The following SMARCA4 variants were observed in gnomAD, a reference collection of about 807,000 sequenced individuals.
SMARCA4 encodes SWI/SNF-related matrix-associated actin-dependent regulator of chromatin subfamily A member 4.
Under a neutral mutation model 193.9 loss-of-function variants are expected in SMARCA4, and 31 were observed. That is an observed-to-expected ratio of 0.16 (90% confidence interval 0.12 to 0.22). SMARCA4 has a LOEUF of 0.22. Ranked by LOEUF, SMARCA4 falls within the 10% of genes least tolerant of loss-of-function variation. The probability of loss-of-function intolerance (pLI) is 1.00; values close to 1 mark genes in which losing one functional copy is unlikely to be tolerated. For missense variants in SMARCA4, 1,148 were observed against 2,296.0 expected, an observed-to-expected ratio of 0.50 and a Z score of 10.22; for synonymous variants, 942 against 933.1, an observed-to-expected ratio of 1.01 and a Z score of -0.17.
chr19:11,007,801 T>A (rs2088378056), intron 13 of SMARCA4, 101 bp from the exon 14 acceptor site: 1 of 1,200,520 alleles, frequency 8.3e-7, no homozygotes, highest in Non-Finnish European at 1.2e-6. Flanking sequence ...GGGTGAGGGC[T>A]GTAAGAAGAT....
In SMARCA4 at chr19:11,052,759, G is replaced by T. The variant is rs1049357398; in HGVS notation, c.4425-5496G>T. Among the ~76,000 whole-genome samples, 4 of 152,272 alleles carry T rather than the reference G, an allele frequency of 2.6e-5. No individual in the cohort carries two copies. In the East Asian group the frequency reaches 7.7e-4, roughly 29 times the overall value. On this transcript the variant is annotated intron_variant, in intron 30 of 34. Coordinates refer to ENST00000344626, the MANE Select transcript of SMARCA4 (RefSeq NM_003072.5). ...CCCTCCCCCAGCCCTGCAGACAGTG[G>T]CCATGGGCCTCCCTGCACTCAGGAC...
chr19:11,013,144 G>A (rs767725658), intron 16 of SMARCA4, 32 bp downstream of exon 16: 12 of 1,610,242 alleles, frequency 7.5e-6, no homozygotes, highest in East Asian at 2.2e-5. Flanking sequence ...CATCCCACAC[G>A]CCGCTCACAC....
At chr19:10,999,752 T>C (rs1358054326) in intron 11 of SMARCA4, among the ~76,000 whole-genome samples, 1 of 152,244 alleles carries the variant, frequency 6.6e-6, no homozygotes, top group Non-Finnish European at 1.5e-5. Flanking sequence ...TCCATAATTC[T>C]AAAATCAGCA....
intron 1 of SMARCA4, among the ~76,000 whole-genome samples, chr19:10,978,103 A>G (rs980644262): frequency 1.3e-5 from 2 of 152,142 alleles, no homozygotes; most frequent in African/African-American, 4.8e-5. Flanking sequence ...TCCTGGCTAG[A>G]TCTTCCTTCC....
intron 11 of SMARCA4, 107 bp downstream of exon 11, chr19:10,996,651 G>C: frequency 9.3e-7 from 1 of 1,079,304 alleles, no homozygotes; most frequent in Non-Finnish European, 1.4e-6. Flanking sequence ...AATGATATGT[G>C]ATGATGGTGA....
At chr19:11,048,879 T>C (rs1555791413) in intron 30 of SMARCA4, among the ~76,000 whole-genome samples, 1 of 152,218 alleles carries the variant, frequency 6.6e-6, no homozygotes, top group Non-Finnish European at 1.5e-5. Context: ...ACTCTGTTCT[T>C]CTGCACTCAG....
chr19:11,012,817 A>G, intron 15 of SMARCA4, 132 bp from the exon 16 acceptor site: 3 of 785,740 alleles, frequency 3.8e-6, no homozygotes, highest in Non-Finnish European at 6.7e-6. Flanking sequence ...AATCCGTGGT[A>G]AAGGCAGTAG....
At chr19:11,051,156 T>TC (rs1391129410) in intron 30 of SMARCA4, among the ~76,000 whole-genome samples, 1 of 151,966 alleles carries the variant, frequency 6.6e-6, no homozygotes, top group Admixed American at 6.5e-5. Context: ...TGGAAGAAGC[T>TC]CCCCCTCCTC....
intron 1 of SMARCA4, among the ~76,000 whole-genome samples, chr19:10,982,536 G>A (rs2041726611): frequency 6.7e-6 from 1 of 148,936 alleles, no homozygotes; most frequent in South Asian, 2.1e-4. Context: ...GTCTTGCTCT[G>A]TCGCCCAGGC....
At chr19:11,052,053 C>T (rs978960232) in intron 30 of SMARCA4, among the ~76,000 whole-genome samples, 8 of 152,098 alleles carry the variant, frequency 5.3e-5, no homozygotes, top group African/African-American at 1.7e-4. Flanking sequence ...CGAGATTGTG[C>T]CACTGCACTC....
chr19:10,989,395 A>G lies in SMARCA4; in HGVS notation c.1197A>G (p.Lys399=), dbSNP rs2145848939. 1 of 1,614,172 alleles carries G rather than the reference A, an allele frequency of 6.2e-7. No individual in the cohort carries two copies. Among genetic ancestry groups the G allele is most frequent in the Non-Finnish European group, 8.5e-7 (1 of 1,180,000 alleles). ...PGSLAGDLRT[K]ATIELKALRL... is the part of the protein sequence containing the mutation. ...CCCTGGCCGGGGATTTGCGAACCAA[A>G]GCGACCATTGAGCTCAAGGCCCTCA... The change falls in exon 7 of 35, where the codon AAA becomes AAG. Residue 399 remains lysine, a synonymous_variant. Transcript: ENST00000344626.
rs754079598 is a variant in SMARCA4 at position 10,991,277 on chromosome 19, A to G, written c.1373A>G (p.Lys458Arg). The change falls in exon 8 of 35, where the codon AAG becomes AGG. Residue 458 changes from lysine to arginine, a missense_variant. Lys to Arg is a conservative substitution (Grantham distance 26). Transcript: ENST00000344626. ...REARITEKLE[K>R]QQKIEQERKR... ...GCCCGCATCACTGAGAAGCTGGAGA[A>G]GCAGCAGAAGATCGAGCAGGAGCGC... 1 of 1,611,728 alleles carries G rather than the reference A, an allele frequency of 6.2e-7. No individual in the cohort carries two copies. The highest frequency in any genetic ancestry group is 1.7e-5 in the Admixed American group (1 of 59,562).
chr19:11,055,449 A>G (rs1023391086), intron 30 of SMARCA4, among the ~76,000 whole-genome samples: 6 of 151,196 alleles, frequency 4.0e-5, no homozygotes, highest in African/African-American at 1.2e-4. Context: ...CAGCCTCCCA[A>G]AGTTCTGGGG....
At chr19:10,993,677 G>A (rs949814158) in intron 8 of SMARCA4, among the ~76,000 whole-genome samples, 2 of 151,530 alleles carry the variant, frequency 1.3e-5, no homozygotes, top group African/African-American at 4.8e-5. Flanking sequence ...ACGGAGTCTC[G>A]CTCTGTCGCC....
intron 1 of SMARCA4, among the ~76,000 whole-genome samples, chr19:10,967,358 T>C (rs1473249101): frequency 1.3e-5 from 2 of 152,152 alleles, no homozygotes; most frequent in Non-Finnish European, 2.9e-5. Flanking sequence ...TCGCCCAGGC[T>C]GGAGTGCAGT....
intron 30 of SMARCA4, among the ~76,000 whole-genome samples, chr19:11,055,320 G>A (rs1307878143): frequency 6.6e-6 from 1 of 152,156 alleles, no homozygotes; most frequent in Non-Finnish European, 1.5e-5. Context: ...CTCCCGAGTA[G>A]CTGGGATTGC....
intron 1 of SMARCA4, among the ~76,000 whole-genome samples, chr19:10,964,300 ACTTTCTTT>A (rs910998465): frequency 6.6e-6 from 1 of 151,022 alleles, no homozygotes; most frequent in Non-Finnish European, 1.5e-5. Flanking sequence ...GTCTGGTGGA[ACTTTCTTT>A]CTTTCTTTCT....
At chr19:11,032,666 C>CA (rs553090305) in intron 25 of SMARCA4, 35,242 of 112,448 alleles carry the variant, frequency 0.31, 4,765 homozygotes, top group South Asian at 0.42. Flanking sequence ...GACTTTGTCT[C>CA]AAAAAAAAAA....
chr19:11,027,494 G>A (rs141949418), intron 23 of SMARCA4, among the ~76,000 whole-genome samples: 9 of 152,300 alleles, frequency 5.9e-5, no homozygotes, highest in Non-Finnish European at 8.8e-5. Context: ...GTGTTGTGCC[G>A]GCCATGTGAC....
Sources: gnomAD v4.1 joint callset for allele counts (sites outside exome capture counted in the v4.1 genomes callset) on GRCh38, gnomAD v4.1.1 for gene constraint, MANE v1.5 for transcripts, NCBI Gene and HGNC (gene_info 2026-07-23, HGNC 2026-07-21) for gene names.